The following GRIP2 variants were observed in gnomAD, a reference collection of about 807,000 sequenced individuals.
GRIP2 encodes glutamate receptor-interacting protein 2.
A neutral mutation model predicts 108.3 loss-of-function variants in GRIP2; 58 were observed. That is an observed-to-expected ratio of 0.54 (90% CI 0.43 to 0.67). GRIP2 has a LOEUF of 0.67. Ranked by LOEUF, GRIP2 falls within the 30% of genes least tolerant of loss-of-function variation. The pLI, the probability that GRIP2 is intolerant of heterozygous loss-of-function variation, is 0.00. For synonymous variants in GRIP2, 586 were observed against 598.2 expected, an observed-to-expected ratio of 0.98 and a Z score of 0.30; for missense variants, 1,278 against 1,430.6, an observed-to-expected ratio of 0.89 and a Z score of 1.72.
chr3:14,532,335 C>A (rs186660941), intron 1 of GRIP2, among the ~76,000 whole-genome samples: 12 of 151,952 alleles, frequency 7.9e-5, no homozygotes, highest in Admixed American at 2.0e-4. Flanking sequence ...TGGCCTGAGT[C>A]AAGGTCAGGA....
chr3:14,589,657 G>A, the GRIP2 span, among the ~76,000 whole-genome samples: 1 of 152,168 alleles, frequency 6.6e-6, no homozygotes, highest in Non-Finnish European at 1.5e-5. Context: ...CCGGGTCAAA[G>A]AGTGTCAGCA....
intron 1 of GRIP2, among the ~76,000 whole-genome samples, chr3:14,554,254 G>C (rs1695198574): frequency 6.6e-6 from 1 of 152,190 alleles, no homozygotes; most frequent in Admixed American, 6.5e-5. Flanking sequence ...ACCCTGGTCT[G>C]TCCGGGCCAA....
At chr3:14,560,801 T>C (rs534109908), upstream of GRIP2, among the ~76,000 whole-genome samples, 1 of 152,324 alleles carries the variant, frequency 6.6e-6, no homozygotes, top group Admixed American at 6.5e-5. Context: ...TTTTGGTAAC[T>C]TGGGCCCAAA....
chr3:14,572,927 C>T, the GRIP2 span: 1 of 1,373,912 alleles, frequency 7.3e-7, no homozygotes, highest in East Asian at 2.3e-5. Context: ...ACTCACACCA[C>T]TCACGGCAGA....
At chr3:14,524,105 G>A (rs1036363921) in intron 4 of GRIP2, 9 of 531,886 alleles carry the variant, frequency 1.7e-5, no homozygotes, top group Non-Finnish European at 2.7e-5. Flanking sequence ...GTAGGTCAGG[G>A]AACGACTTAT....
chr3:14,496,852 T>G (rs1056989973), intron 21 of GRIP2, among the ~76,000 whole-genome samples: 3 of 152,184 alleles, frequency 2.0e-5, no homozygotes, highest in Non-Finnish European at 4.4e-5. Context: ...TACAGTACAA[T>G]GATGCAAGTA....
At chr3:14,556,222 C>A (rs940505523), upstream of GRIP2, 6 of 380,530 alleles carry the variant, frequency 1.6e-5, no homozygotes, top group Non-Finnish European at 2.8e-5. Context: ...AAACCTCCAG[C>A]GGGCCCCACC....
upstream of GRIP2, among the ~76,000 whole-genome samples, chr3:14,545,164 A>C (rs1395481051): frequency 2.0e-5 from 3 of 152,226 alleles, no homozygotes; most frequent in East Asian, 3.9e-4. Flanking sequence ...AGCCACCGTT[A>C]ACATAATCGG....
intron 5 of GRIP2, chr3:14,523,354 C>T (rs1694464799): frequency 1.7e-6 from 1 of 575,774 alleles, no homozygotes; most frequent in Non-Finnish European, 3.1e-6. Flanking sequence ...CTAGGAAGCT[C>T]CAGACTTTGT....
At chr3:14,499,658 A>C (rs1574989853) in intron 21 of GRIP2, among the ~76,000 whole-genome samples, 1 of 152,114 alleles carries the variant, frequency 6.6e-6, no homozygotes, top group African/African-American at 2.4e-5. Context: ...CAGGAGGTGG[A>C]GGTTGTAGTG....
chr3:14,528,439 T>A (rs1230902419), intron 1 of GRIP2, among the ~76,000 whole-genome samples: 1 of 152,208 alleles, frequency 6.6e-6, no homozygotes, highest in Non-Finnish European at 1.5e-5. Context: ...ATGGTTAACT[T>A]TATAAGAAAC....
rs111987045 is a variant in GRIP2, at chr3:14,555,532, C to T, written c.55+368G>A. On this transcript the variant is annotated intron_variant, in intron 1 of 23. Coordinates refer to the GRIP2 transcript ENST00000637182. ...CAGAGCAGAGGCGGGGGCAGAGAACCGGGTGAGGGAGGGCAGACAGCAGGA... is the reference window on the plus strand; with the variant it reads ...CAGAGCAGAGGCGGGGGCAGAGAACTGGGTGAGGGAGGGCAGACAGCAGGA... 2.8e-3 allele frequency among the ~76,000 whole-genome samples: 429 copies of T among 151,560 alleles called. 2 individuals carry two copies. The highest frequency in any genetic ancestry group is 9.9e-3 in the African/African-American group (408 of 41,312).
At chr3:14,563,067 C>G in the GRIP2 span, among the ~76,000 whole-genome samples, 2 of 152,122 alleles carry the variant, frequency 1.3e-5, no homozygotes, top group African/African-American at 4.8e-5. Context: ...ACACAAGAGA[C>G]TGATCAACCA....
chr3:14,573,377 CG>C, the GRIP2 span: 48 of 1,331,258 alleles, frequency 3.6e-5, no homozygotes, highest in East Asian at 8.2e-4. Flanking sequence ...CCAGGTCCCG[CG>C]GGATGGTCAT....
At chr3:14,550,516 G>A (rs1365547032) in intron 1 of GRIP2, among the ~76,000 whole-genome samples, 6 of 152,158 alleles carry the variant, frequency 3.9e-5, no homozygotes, top group East Asian at 1.9e-4. Context: ...TCCCCGCAGC[G>A]GCACCGCTGG....
At chr3:14,597,047 C>T in the GRIP2 span, among the ~76,000 whole-genome samples, 16 of 152,176 alleles carry the variant, frequency 1.1e-4, no homozygotes, top group Non-Finnish European at 1.8e-4. Context: ...CAGCCAGCTG[C>T]ATAGATCTAA....
At chr3:14,551,383 G>C (rs1695146141) in intron 1 of GRIP2, among the ~76,000 whole-genome samples, 1 of 152,262 alleles carries the variant, frequency 6.6e-6, no homozygotes, top group South Asian at 2.1e-4. Context: ...GGGGCATTCA[G>C]GGAGGAGCCT....
chr3:14,513,704 C>T lies in GRIP2; in HGVS notation c.1600G>A (p.Ala534Thr). The T allele has an allele frequency of 6.2e-7, 1 of 1,610,546 alleles. No individual in the cohort carries two copies. The highest frequency in any genetic ancestry group is 8.5e-7 in the Non-Finnish European group (1 of 1,178,600). The change falls in exon 13 of 24, where the codon GCC (alanine) becomes ACC (threonine). Residue 534 changes from alanine to threonine, a missense_variant. By Grantham distance (58) the Ala-to-Thr change is moderately conservative. Coordinates refer to ENST00000621039, the MANE Select transcript of GRIP2 (RefSeq NM_001080423.4). Reference protein sequence around the residue: ...ANQLLRDAALAHKVVLEVEFD... With the variant: ...ANQLLRDAALTHKVVLEVEFD... The stretch of plus-strand genomic sequence containing the variant: ...TCCACCTCCAGCACGACCTTGTGGG[C>T]CAGTGCGGCGTCCCGCAGGAGCTGG...
At chr3:14,502,965 C>T (rs1693806919) in intron 21 of GRIP2, among the ~76,000 whole-genome samples, 1 of 152,140 alleles carries the variant, frequency 6.6e-6, no homozygotes, top group Non-Finnish European at 1.5e-5. Context: ...AATATAATTG[C>T]TCTCAGAGTG....
Sources: allele counts gnomAD v4.1 joint callset (sites outside exome capture counted in the v4.1 genomes callset), GRCh38; gene constraint gnomAD v4.1.1; transcripts MANE v1.5; gene names NCBI Gene and HGNC (gene_info 2026-07-23, HGNC 2026-07-21).